ESCO1: variants seen among roughly 807,000 people sequenced by gnomAD.
ESCO1 encodes the protein establishment of sister chromatid cohesion N-acetyltransferase 1.
Under a neutral mutation model 83.5 loss-of-function variants are expected in ESCO1, and 33 were observed. The observed-to-expected ratio is 0.40, with a 90% CI of 0.30 to 0.53. The LOEUF (loss-of-function observed/expected upper bound fraction) is 0.53. ESCO1 is among the 20% of genes least tolerant of loss of function. ESCO1 has a pLI of 0.63. For synonymous variants in ESCO1, 332 were observed against 324.3 expected (o/e 1.02, Z -0.25); for missense variants, 855 against 968.0 (o/e 0.88, Z 1.55).
intron 2 of ESCO1, among the ~76,000 whole-genome samples, chr18:21,578,753 A>C (rs1177540017): frequency 6.6e-6 from 1 of 152,216 alleles, no homozygotes; most frequent in Non-Finnish European, 1.5e-5. Context: ...GCTAGAATGC[A>C]GTGGCACAAT....
rs1349641665 is a variant in ESCO1 at position 21,568,042 on chromosome 18, A to G, written c.1583T>C (p.Val528Ala). Residue 528 changes from valine (V) to alanine (A), a missense_variant, in exon 5 of 12, where the codon GTT becomes GCT. Transcript: ENST00000269214. Reference sequence around the variant, plus strand: ...ACTGAGCAGAGTCGAAGCAGCAGTAACATTTTCCACTGGACTGTTTTCTAG... The same window carrying G: ...ACTGAGCAGAGTCGAAGCAGCAGTAGCATTTTCCACTGGACTGTTTTCTAG... ...SKLENSPVEN[V>A]TAASTLLSQA... is the part of the protein sequence containing the mutation. 2 of 1,613,874 alleles carry G rather than the reference A, an allele frequency of 1.2e-6. No homozygotes were observed. The highest frequency in any genetic ancestry group is 1.3e-5 in the African/African-American group (1 of 74,924).
chr18:21,533,365 G>A (rs912277436), intron 10 of ESCO1, among the ~76,000 whole-genome samples: 38 of 151,924 alleles, frequency 2.5e-4, no homozygotes, highest in African/African-American at 8.0e-4. Context: ...GTGCGATCTC[G>A]GCTCACTGCA....
intron 4 of ESCO1, among the ~76,000 whole-genome samples, chr18:21,572,016 TC>T (rs1210201562): frequency 6.6e-6 from 1 of 152,234 alleles, no homozygotes; most frequent in Non-Finnish European, 1.5e-5. Flanking sequence ...TCACATTTGC[TC>T]CTAGACAAAA....
intron 8 of ESCO1, among the ~76,000 whole-genome samples, chr18:21,544,217 T>C (rs1405344230): frequency 1.3e-5 from 2 of 151,792 alleles, no homozygotes; most frequent in Non-Finnish European, 2.9e-5. Flanking sequence ...GAGGTTGCAG[T>C]GAGCCGAGAT....
At chr18:21,569,492 T>C (rs931130638) in intron 4 of ESCO1, among the ~76,000 whole-genome samples, 10 of 152,178 alleles carry the variant, frequency 6.6e-5, no homozygotes, top group Non-Finnish European at 1.3e-4. Flanking sequence ...ACGCCTGTAA[T>C]CCCAGCACTT....
At chr18:21,557,709 C>T (rs2038130364) in intron 8 of ESCO1, among the ~76,000 whole-genome samples, 1 of 152,158 alleles carries the variant, frequency 6.6e-6, no homozygotes, top group South Asian at 2.1e-4. Context: ...AGAACACATA[C>T]ATTGTTCTTT....
chr18:21,579,793 C>CGCGT lies in ESCO1; in HGVS notation c.-693-4017_-693-4016insACGC, dbSNP rs1168780911. On this transcript the variant is annotated intron_variant, in intron 2 of 11. Coordinates refer to ENST00000269214, the MANE Select transcript of ESCO1 (RefSeq NM_052911.3). Reference sequence around the variant, plus strand: ...TCTGACACACACACACACGCGCGCGCGCACACACACACACACACACACACA... The same window carrying CGCGT: ...TCTGACACACACACACACGCGCGCGCGCGTGCACACACACACACACACACACACA... Among the ~76,000 whole-genome samples the CGCGT allele has an allele frequency of 6.4e-3, 74 of 11,490 alleles. 2 individuals carry two copies. The highest frequency in any genetic ancestry group is 8.8e-3 in the African/African-American group (72 of 8,208). 7.5% of individuals were successfully genotyped at this position (11,490 alleles called of 152,430 possible). A position where few individuals can be genotyped will look rare whatever the true frequency, so the allele number is the denominator to read the frequency against.
At chr18:21,561,028 A>G (rs1431334818) in intron 7 of ESCO1, 38 bp from the exon 8 acceptor site, 1 of 1,554,072 alleles carries the variant, frequency 6.4e-7, no homozygotes, top group Non-Finnish European at 8.6e-7. Flanking sequence ...TTTTCCTCCC[A>G]AAAGAATTAT....
chr18:21,585,228 C>T (rs2038558585), intron 1 of ESCO1, among the ~76,000 whole-genome samples: 1 of 151,826 alleles, frequency 6.6e-6, no homozygotes. Flanking sequence ...AATATAATCA[C>T]TACTTCTTAT....
At chr18:21,549,527 G>T (rs1260200381) in intron 8 of ESCO1, among the ~76,000 whole-genome samples, 2 of 152,004 alleles carry the variant, frequency 1.3e-5, no homozygotes, top group Admixed American at 1.3e-4. Context: ...CGATTCTCAT[G>T]CCTCAGTCTC....
intron 5 of ESCO1, among the ~76,000 whole-genome samples, chr18:21,566,859 C>CAAA (rs770904408): frequency 6.1e-4 from 39 of 64,360 alleles, no homozygotes; most frequent in African/African-American, 2.0e-3. Context: ...GGCTCTGCCT[C>CAAA]AAAAAAAAAA....
At position 21,573,675 on chromosome 18, in the gene ESCO1, T is replaced by C. The variant is rs779117818; in HGVS notation, c.1169A>G (p.Asn390Ser). ...GINSSAKKNS[N>S]WTKIKLSKFN... is the part of the protein sequence containing the mutation. ...TTTTGAGAGTTTAATTTTAGTCCAG[T>C]TGGAGTTCTTCTTGGCTGAGCTGTT... The change falls in exon 4 of 12, where the codon AAC becomes AGC. Residue 390 changes from asparagine (N) to serine (S), a missense_variant. By Grantham distance (46) the Asn-to-Ser change is conservative. Around this residue, in one of 2 missense-constraint regions of ESCO1, gnomAD observed 726 missense variants for 699.5 expected, o/e 1.04. Coordinates refer to ENST00000269214, the MANE Select transcript of ESCO1 (RefSeq NM_052911.3). 9.9e-6 allele frequency: 16 copies of C among 1,614,032 alleles called. No individual in the cohort carries two copies. Among genetic ancestry groups the C allele is most frequent in the African/African-American group, 2.7e-5 (2 of 74,940 alleles).
intron 1 of ESCO1, among the ~76,000 whole-genome samples, chr18:21,592,671 G>A (rs1367722553): frequency 4.7e-5 from 7 of 150,124 alleles, no homozygotes; most frequent in African/African-American, 7.3e-5. Flanking sequence ...CCTCCCTCCC[G>A]GACGGGGCAG....
At position 21,580,919 on chromosome 18, in the gene ESCO1, G is replaced by A. The variant is rs1298325873; in HGVS notation, c.-694+3391C>T. Among the ~76,000 whole-genome samples, 3 of 152,316 alleles carry A rather than the reference G, an allele frequency of 2.0e-5. No homozygotes were observed. The East Asian group carries it at 5.8e-4, about 29-fold the overall frequency. On this transcript the variant is annotated intron_variant, in intron 2 of 11. Coordinates refer to ENST00000269214, the MANE Select transcript of ESCO1 (RefSeq NM_052911.3). The stretch of plus-strand genomic sequence containing the variant: ...GCAGAAAAATCTCTTGAACCCAGGA[G>A]GCGGAGGTTGCGGTAAGCTGAGATC...
At chr18:21,540,715 A>G (rs746414613) in intron 8 of ESCO1, 1 of 1,265,986 alleles carries the variant, frequency 7.9e-7, no homozygotes, top group South Asian at 1.4e-5. Context: ...ATAAAAAAAC[A>G]AAACAAAACA....
chr18:21,577,659 CA>C (rs60796995), intron 2 of ESCO1, among the ~76,000 whole-genome samples: 4,945 of 69,184 alleles, frequency 0.071, 197 homozygotes, highest in African/African-American at 0.2. Flanking sequence ...GACTCCGTCT[CA>C]AAAAAAAAAA....
intron 6 of ESCO1, among the ~76,000 whole-genome samples, chr18:21,565,412 TC>T (rs1292006538): frequency 6.6e-6 from 1 of 152,204 alleles, no homozygotes; most frequent in African/African-American, 2.4e-5. Flanking sequence ...AAAAGGGCAT[TC>T]TCAAACACTA....
Position 21,530,277 on chromosome 18 carries a change from T to C in ESCO1, c.*66A>G. ...TAATAAAAATGGCCCTAGTTCCTGG[T>C]TAAAGTCAGCAACCAATCCATTCTC... On this transcript the variant is annotated 3_prime_UTR_variant, in exon 12 of 12. Coordinates refer to ENST00000269214, the MANE Select transcript of ESCO1 (RefSeq NM_052911.3). The C allele has an allele frequency of 7.2e-7, 1 of 1,385,466 alleles. No individual in the cohort carries two copies. Among genetic ancestry groups the C allele is most frequent in the Non-Finnish European group, 9.5e-7 (1 of 1,055,042 alleles). The allele number at this position is 1,385,466 out of a possible 1,614,324, so 85.8% of individuals were successfully genotyped here. A position where few individuals can be genotyped will look rare whatever the true frequency, so the allele number is the denominator to read the frequency against.
chr18:21,554,660 G>C (rs1054594639), intron 8 of ESCO1, among the ~76,000 whole-genome samples: 1 of 151,958 alleles, frequency 6.6e-6, no homozygotes, highest in African/African-American at 2.4e-5. Flanking sequence ...CTGGAATCTC[G>C]GCACTTTGGG....
Sources: allele counts gnomAD v4.1 joint callset (sites outside exome capture counted in the v4.1 genomes callset), GRCh38; gene constraint gnomAD v4.1.1; regional missense constraint gnomAD v4.1.1; transcripts MANE v1.5; gene names NCBI Gene and HGNC (gene_info 2026-07-23, HGNC 2026-07-21).